COPRS: variants seen among roughly 807,000 people sequenced by gnomAD.
COPRS encodes cooperator of PRMT5.
A neutral mutation model predicts 19.9 loss-of-function variants in COPRS; 11 were observed. The observed-to-expected ratio is 0.55, with a 90% confidence interval of 0.35 to 0.92. COPRS has a LOEUF of 0.92. COPRS is among the 40% of genes least tolerant of loss of function. COPRS has a pLI of 0.01. For synonymous variants in COPRS, 81 were observed against 82.7 expected (o/e 0.98, Z 0.11); for missense variants, 225 against 229.9 (o/e 0.98, Z 0.14).
At chr17:31,856,310 G>A (rs538785267) in intron 2 of COPRS, among the ~76,000 whole-genome samples, 1 of 152,234 alleles carries the variant, frequency 6.6e-6, no homozygotes, top group African/African-American at 2.4e-5. Context: ...ACTCCAGCCT[G>A]GTGACACAGC....
intron 3 of COPRS, 47 bp from the exon 4 acceptor site, chr17:31,852,355 G>A (rs1909192656): frequency 6.7e-7 from 1 of 1,497,306 alleles, no homozygotes; most frequent in African/African-American, 1.4e-5. Flanking sequence ...AGGAGGGAAG[G>A]AAGGAAGGTA....
At chr17:31,854,050 C>T (rs1909247344) in intron 2 of COPRS, among the ~76,000 whole-genome samples, 1 of 152,094 alleles carries the variant, frequency 6.6e-6, no homozygotes, top group Admixed American at 6.6e-5. Context: ...TGTCTGATTT[C>T]AAATCCGTGT....
In COPRS at chr17:31,859,201, C is replaced by T; in HGVS notation, c.-2G>A. On this transcript the variant is annotated 5_prime_UTR_variant, in exon 1 of 4. Coordinates refer to ENST00000302362, the MANE Select transcript of COPRS (RefSeq NM_018405.4). ...GGCCCCGGCGGCCTGAAGGTCCATG[C>T]CCTGCGGCCCGCGGCTGGTCGCCCT... 1 of 1,049,050 alleles carries T rather than the reference C, an allele frequency of 9.5e-7. No individual in the cohort carries two copies. The highest frequency in any genetic ancestry group is 1.1e-6 in the Non-Finnish European group (1 of 869,936). The allele number at this position is 1,049,050 out of a possible 1,614,324, so 65.0% of individuals were successfully genotyped here. A position where few individuals can be genotyped will look rare whatever the true frequency, so the allele number is the denominator to read the frequency against.
chr17:31,853,796 G>T (rs1486250723), intron 2 of COPRS, among the ~76,000 whole-genome samples: 1 of 152,116 alleles, frequency 6.6e-6, no homozygotes, highest in Non-Finnish European at 1.5e-5. Flanking sequence ...AATCACAATG[G>T]GCAGCACCTA....
In COPRS at chr17:31,852,918, G is replaced by C; in HGVS notation, c.279C>G (p.Thr93=). The C allele has an allele frequency of 1.2e-6, 2 of 1,613,982 alleles. No individual in the cohort carries two copies. The highest frequency in any genetic ancestry group is 1.7e-5 in the Admixed American group (1 of 60,020). ...AGTTTGTCCCTTCTGACAGCTCCCAGGTATTCAGTTCTCCATCAGAGTCCT... is the reference window on the plus strand; with the variant it reads ...AGTTTGTCCCTTCTGACAGCTCCCACGTATTCAGTTCTCCATCAGAGTCCT... ...DEEDSDGELN[T]WELSEGTNCP... The change falls in exon 3 of 4, where the codon ACC becomes ACG. Residue 93 remains threonine (T), a synonymous_variant. Coordinates refer to ENST00000302362, the MANE Select transcript of COPRS (RefSeq NM_018405.4).
Position 31,858,813 on chromosome 17 carries a change from C to A in COPRS, c.99+288G>T, listed in dbSNP as rs1182476190. The stretch of plus-strand genomic sequence containing the variant: ...CCCCGGCTCTCGGTCACCAGCGTCA[C>A]CTCCCATTTACCAAATCCGCAGCGG... On this transcript the variant is annotated intron_variant, in intron 1 of 3. Coordinates refer to ENST00000302362, the MANE Select transcript of COPRS (RefSeq NM_018405.4). The A allele has an allele frequency of 7.1e-6, 11 of 1,550,218 alleles. No homozygotes were observed. In the Admixed American group the frequency reaches 9.8e-5, roughly 14 times the overall value.
chr17:31,853,363 C>T (rs1043519703), intron 2 of COPRS, among the ~76,000 whole-genome samples: 3 of 151,862 alleles, frequency 2.0e-5, no homozygotes, highest in Middle Eastern at 3.4e-3. Context: ...ACAATACAAG[C>T]CTGAATTAAG....
In COPRS at chr17:31,859,219, G is replaced by C. The variant is rs1909462482; in HGVS notation, c.-20C>G. 9.8e-7 allele frequency: 1 copy of C among 1,022,106 alleles called. No individual in the cohort carries two copies. The highest frequency in any genetic ancestry group is 1.2e-6 in the Non-Finnish European group (1 of 846,216). The allele number at this position is 1,022,106 out of a possible 1,614,324, so 63.3% of individuals were successfully genotyped here. A position where few individuals can be genotyped will look rare whatever the true frequency, so the allele number is the denominator to read the frequency against. ...GTCCATGCCCTGCGGCCCGCGGCTG[G>C]TCGCCCTGGACGCCGTGGGCCACGT... On this transcript the variant is annotated 5_prime_UTR_variant, in exon 1 of 4. Coordinates refer to ENST00000302362, the MANE Select transcript of COPRS (RefSeq NM_018405.4).
chr17:31,855,778 G>C (rs1176498652), intron 2 of COPRS, among the ~76,000 whole-genome samples: 1 of 151,858 alleles, frequency 6.6e-6, no homozygotes, highest in Non-Finnish European at 1.5e-5. Flanking sequence ...GATGGATCAG[G>C]TGAGGTCAGG....
chr17:31,859,211 C>T lies in COPRS; in HGVS notation c.-12G>A. On this transcript the variant is annotated 5_prime_UTR_variant, in exon 1 of 4. Coordinates refer to ENST00000302362, the MANE Select transcript of COPRS (RefSeq NM_018405.4). ...GCCTGAAGGTCCATGCCCTGCGGCCCGCGGCTGGTCGCCCTGGACGCCGTG... is the reference window on the plus strand; with the variant it reads ...GCCTGAAGGTCCATGCCCTGCGGCCTGCGGCTGGTCGCCCTGGACGCCGTG... 2 of 1,030,524 alleles carry T rather than the reference C, an allele frequency of 1.9e-6. No homozygotes were observed. The highest frequency in any genetic ancestry group is 2.3e-6 in the Non-Finnish European group (2 of 854,960). The allele number at this position is 1,030,524 out of a possible 1,614,324, so 63.8% of individuals were successfully genotyped here. A position where few individuals can be genotyped will look rare whatever the true frequency, so the allele number is the denominator to read the frequency against.
intron 2 of COPRS, 93 bp downstream of exon 2, chr17:31,856,706 G>C (rs763240758): frequency 2.4e-6 from 2 of 840,570 alleles, no homozygotes; most frequent in South Asian, 2.7e-5. Flanking sequence ...CAGCAGAGAG[G>C]ACTGGCTAAA....
In COPRS at chr17:31,852,888, T is replaced by C. The variant is rs1361155377; in HGVS notation, c.309A>G (p.Pro103=). 5.0e-6 allele frequency: 8 copies of C among 1,614,176 alleles called. No individual in the cohort carries two copies. The highest frequency in any genetic ancestry group is 5.9e-6 in the Non-Finnish European group (7 of 1,180,012). The change falls in exon 3 of 4, where the codon CCA becomes CCG. Residue 103 remains proline, a synonymous_variant. Transcript: ENST00000302362. ...AAAGATCGCCAGGCTGTTCCTTGGG[T>C]GGACAGTTTGTCCCTTCTGACAGCT... ...TWELSEGTNC[P]PKEQPGDLFN... is the part of the protein sequence containing the mutation.
intron 2 of COPRS, among the ~76,000 whole-genome samples, chr17:31,855,368 G>A (rs573121438): frequency 1.1e-3 from 171 of 152,256 alleles, no homozygotes; most frequent in African/African-American, 4.0e-3. Flanking sequence ...TTAGCCAGGC[G>A]TGGTGGCGGG....
At chr17:31,854,229 G>A (rs1277915377) in intron 2 of COPRS, among the ~76,000 whole-genome samples, 3 of 151,716 alleles carry the variant, frequency 2.0e-5, no homozygotes, top group Non-Finnish European at 2.9e-5. Context: ...ATTTAGCTGG[G>A]TGCAGTGGCA....
intron 2 of COPRS, among the ~76,000 whole-genome samples, chr17:31,854,067 AATT>A: frequency 6.6e-6 from 1 of 152,104 alleles, no homozygotes; most frequent in African/African-American, 2.4e-5. Context: ...GTGTTTTGTC[AATT>A]ACCAAACATC....
At position 31,852,827 on chromosome 17, in the gene COPRS, G is replaced by C. The variant is rs1227847703; in HGVS notation, c.370C>G (p.Gln124Glu). 4.3e-6 allele frequency: 7 copies of C among 1,613,582 alleles called. No homozygotes were observed. The highest frequency in any genetic ancestry group is 3.3e-4 in the Middle Eastern group (2 of 6,052). The change falls in exon 3 of 4, where the codon CAA (glutamine) becomes GAA (glutamate). Residue 124 changes from glutamine (Q) to glutamate (E), a missense_variant. By Grantham distance (29) the Gln-to-Glu change is conservative (BLOSUM62 2). Around this residue, in one of 3 missense-constraint regions of COPRS, gnomAD observed 170 missense variants for 171.4 expected, o/e 0.99. Transcript: ENST00000302362. ...EDWDSELKADQGNPYDADDIQ... is the reference protein window; with the variant it reads ...EDWDSELKADEGNPYDADDIQ... ...CCACACCTACCATATGGATTCCCTT[G>C]ATCTGCTTTCAACTCCGAGTCCCAG...
rs368495623 is a variant in COPRS, at chr17:31,853,018, T to G, written c.179A>C (p.Gln60Pro). 32 of 1,613,342 alleles carry G rather than the reference T, an allele frequency of 2.0e-5. No individual in the cohort carries two copies. The African/African-American group carries it at 2.7e-4, about 13-fold the overall frequency. Reference protein sequence around the residue: ...KAMDRLARGTQSIPNDSPARG... With the variant: ...KAMDRLARGTPSIPNDSPARG... ...GGCAGGACTGTCATTAGGAATGCTC[T>G]GTGTTCCACGGGCTAAATTGACAAA... Residue 60 changes from glutamine (Q) to proline (P), a missense_variant, in exon 3 of 4, where the codon CAG becomes CCG. Around this residue, in one of 3 missense-constraint regions of COPRS, gnomAD observed 170 missense variants for 171.4 expected, o/e 0.99. Coordinates refer to ENST00000302362, the MANE Select transcript of COPRS (RefSeq NM_018405.4).
Position 31,859,211 on chromosome 17 carries a change from C to A in COPRS, c.-12G>T. The stretch of plus-strand genomic sequence containing the variant: ...GCCTGAAGGTCCATGCCCTGCGGCC[C>A]GCGGCTGGTCGCCCTGGACGCCGTG... On this transcript the variant is annotated 5_prime_UTR_variant, in exon 1 of 4. Transcript: ENST00000302362. The A allele has an allele frequency of 1.9e-6, 2 of 1,030,524 alleles. No homozygotes were observed. Among genetic ancestry groups the A allele is most frequent in the Non-Finnish European group, 2.3e-6 (2 of 854,960 alleles). 63.8% of individuals were successfully genotyped at this position (1,030,524 alleles called of 1,614,324 possible). A position where few individuals can be genotyped will look rare whatever the true frequency, so the allele number is the denominator to read the frequency against.
intron 1 of COPRS, among the ~76,000 whole-genome samples, chr17:31,857,619 T>C (rs1909402525): frequency 6.6e-6 from 1 of 152,182 alleles, no homozygotes; most frequent in Non-Finnish European, 1.5e-5. Context: ...CCAAGACCTC[T>C]TTCTAATGAA....
Sources: gnomAD v4.1 joint callset for allele counts (sites outside exome capture counted in the v4.1 genomes callset) on GRCh38, gnomAD v4.1.1 for gene constraint, gnomAD v4.1.1 regional missense constraint, MANE v1.5 for transcripts, NCBI Gene and HGNC (gene_info 2026-07-23, HGNC 2026-07-21) for gene names.